The following TTC1 variants were observed in gnomAD, a reference collection of about 807,000 sequenced individuals.
TTC1 encodes the protein tetratricopeptide repeat protein 1.
Under a neutral mutation model 37.6 loss-of-function variants are expected in TTC1, and 31 were observed. The ratio of observed to expected loss-of-function variants is 0.82; its 90% CI spans 0.62 to 1.11. The LOEUF (loss-of-function observed/expected upper bound fraction) is 1.11. Ranked by LOEUF, TTC1 falls within the 50% of genes most tolerant of loss-of-function variation. The pLI is 0.00. For missense variants in TTC1, 351 were observed against 339.0 expected, an observed-to-expected ratio of 1.04 and a Z score of -0.28; for synonymous variants, 127 against 122.4, an observed-to-expected ratio of 1.04 and a Z score of -0.25.
At chr5:160,061,689 C>T (rs1451216956) in intron 7 of TTC1, 1 of 151,072 alleles carries the variant, frequency 6.6e-6, no homozygotes, top group Admixed American at 6.6e-5. Flanking sequence ...AAGTGATGGT[C>T]GGTGAAACTA....
chr5:160,033,151 C>A (rs1056126889), intron 2 of TTC1, among the ~76,000 whole-genome samples: 1 of 152,088 alleles, frequency 6.6e-6, no homozygotes, highest in Non-Finnish European at 1.5e-5. Flanking sequence ...CATCCAGTAA[C>A]CCTAATCAAT....
intron 2 of TTC1, among the ~76,000 whole-genome samples, chr5:160,031,795 A>C (rs1030221898): frequency 1.3e-5 from 2 of 152,100 alleles, no homozygotes; most frequent in Non-Finnish European, 1.5e-5. Context: ...TGAGCCCAGG[A>C]GTTCAAGACC....
intron 4 of TTC1, among the ~76,000 whole-genome samples, chr5:160,038,086 GTT>G (rs1031610190): frequency 6.2e-5 from 9 of 144,786 alleles, no homozygotes; most frequent in Non-Finnish European, 1.4e-4. Flanking sequence ...AAAGGTTACG[GTT>G]TTTTTTTTTT....
chr5:160,059,687 G>T lies in TTC1; in HGVS notation c.746-5245G>T, dbSNP rs142349546. Among the ~76,000 whole-genome samples the T allele has an allele frequency of 1.4e-3, 212 of 152,332 alleles. 2 individuals carry two copies. The highest frequency in any genetic ancestry group is 4.8e-3 in the African/African-American group (201 of 41,584). On this transcript the variant is annotated intron_variant, in intron 7 of 7. Transcript: ENST00000231238. ...GAATGGCTGGTCAGAGGAGCAGTCA[G>T]AACATGCACCGCACTTACCATTTCA...
chr5:160,019,623 T>C (rs1756669658), intron 2 of TTC1, among the ~76,000 whole-genome samples: 1 of 148,560 alleles, frequency 6.7e-6, no homozygotes, highest in Admixed American at 6.7e-5. Flanking sequence ...ATTCCCTCTC[T>C]GTTGCCCAAG....
At chr5:160,016,507 G>T (rs958903493) in intron 2 of TTC1, among the ~76,000 whole-genome samples, 10 of 152,064 alleles carry the variant, frequency 6.6e-5, no homozygotes, top group Non-Finnish European at 7.4e-5. Flanking sequence ...TTCTTTTAAG[G>T]CTATGTGAAA....
chr5:160,046,606 GTTATGTTATATTTATGT>G (rs553344362), intron 5 of TTC1, among the ~76,000 whole-genome samples: 49 of 151,384 alleles, frequency 3.2e-4, no homozygotes, highest in Admixed American at 6.0e-4. Context: ...TTCAAAACAT[GTTATGTTATATTTATGT>G]TTATGTTATA....
At chr5:160,046,345 TTC>T (rs776541089) in intron 5 of TTC1, among the ~76,000 whole-genome samples, 1 of 152,180 alleles carries the variant, frequency 6.6e-6, no homozygotes, top group Non-Finnish European at 1.5e-5. Context: ...TCCTTTAAAA[TTC>T]TCTCTCTTAA....
At chr5:160,050,330 C>G (rs1171534622) in intron 6 of TTC1, among the ~76,000 whole-genome samples, 9 of 151,654 alleles carry the variant, frequency 5.9e-5, no homozygotes, top group Admixed American at 4.6e-4. Context: ...GCCTGTAATC[C>G]CAGCTACTCG....
At chr5:160,053,444 G>A (rs1757462720) in intron 7 of TTC1, among the ~76,000 whole-genome samples, 1 of 152,116 alleles carries the variant, frequency 6.6e-6, no homozygotes, top group African/African-American at 2.4e-5. Context: ...TGCACCTGTA[G>A]TCCCAGCTAC....
At chr5:160,032,913 A>G (rs1756937510) in intron 2 of TTC1, among the ~76,000 whole-genome samples, 1 of 150,084 alleles carries the variant, frequency 6.7e-6, no homozygotes, top group East Asian at 2.0e-4. Context: ...TTTAGTAGAG[A>G]CAGGGTTTCA....
chr5:160,012,616 A>C (rs1330905137), intron 2 of TTC1, among the ~76,000 whole-genome samples: 1 of 152,036 alleles, frequency 6.6e-6, no homozygotes, highest in African/African-American at 2.4e-5. Flanking sequence ...CAGTCCTCCC[A>C]CTTTGGCCTC....
chr5:160,033,367 T>TA (rs752684339), intron 2 of TTC1, among the ~76,000 whole-genome samples: 1 of 152,242 alleles, frequency 6.6e-6, no homozygotes, highest in Non-Finnish European at 1.5e-5. Context: ...ACTCTATACT[T>TA]ACCTTTTAGT....
rs559842141 is a variant in TTC1 at position 160,060,639 on chromosome 5, T to G, written c.746-4293T>G. On this transcript the variant is annotated intron_variant, in intron 7 of 7. Coordinates refer to ENST00000231238, the MANE Select transcript of TTC1 (RefSeq NM_003314.3). ...AGGCTAGTTTGGCACATGATCCTAT[T>G]TGGATACAAGGAAGCTGCTTTAGCC... 1.6e-3 allele frequency among the ~76,000 whole-genome samples: 238 copies of G among 152,316 alleles called. 3 individuals are homozygous for G. Among genetic ancestry groups the G allele is most frequent in the African/African-American group, 5.5e-3 (230 of 41,572 alleles).
Position 160,036,015 on chromosome 5 carries a change from C to T in TTC1, c.392-676C>T, listed in dbSNP as rs141983724. Among the ~76,000 whole-genome samples, 334 of 149,856 alleles carry T rather than the reference C, an allele frequency of 2.2e-3. 2 individuals carry two copies. The highest frequency in any genetic ancestry group is 7.7e-3 in the African/African-American group (311 of 40,596). On this transcript the variant is annotated intron_variant, in intron 3 of 7. Transcript: ENST00000231238. ...TAATACTGTTTTCTAATAGAATAAACACTTCTAATTTTGGAAGCATATTTT... is the reference window on the plus strand; with the variant it reads ...TAATACTGTTTTCTAATAGAATAAATACTTCTAATTTTGGAAGCATATTTT...
intron 2 of TTC1, among the ~76,000 whole-genome samples, chr5:160,022,990 T>G (rs933914113): frequency 6.6e-6 from 1 of 152,170 alleles, no homozygotes; most frequent in Non-Finnish European, 1.5e-5. Flanking sequence ...GTGCAGTGGC[T>G]CACGCCTGTA....
chr5:160,019,246 A>G (rs1052144629), intron 2 of TTC1, among the ~76,000 whole-genome samples: 2 of 152,190 alleles, frequency 1.3e-5, no homozygotes, highest in Admixed American at 6.5e-5. Flanking sequence ...AGGCTCTGAA[A>G]GTTTTAAGGA....
At chr5:160,062,873 G>T (rs1321862953) in intron 7 of TTC1, among the ~76,000 whole-genome samples, 2 of 152,030 alleles carry the variant, frequency 1.3e-5, no homozygotes, top group Non-Finnish European at 2.9e-5. Context: ...GTTCCTGGTT[G>T]GTGTTGCTAA....
chr5:160,014,306 C>T (rs757243441), intron 2 of TTC1, among the ~76,000 whole-genome samples: 2 of 151,630 alleles, frequency 1.3e-5, no homozygotes, highest in Non-Finnish European at 1.5e-5. Flanking sequence ...TGCAGTGAGC[C>T]GAGATTGGGC....
Sources: allele counts gnomAD v4.1 joint callset (sites outside exome capture counted in the v4.1 genomes callset), GRCh38; gene constraint gnomAD v4.1.1; transcripts MANE v1.5; gene names NCBI Gene and HGNC (gene_info 2026-07-23, HGNC 2026-07-21).